Variants in ZBTB5 observed in about 807,000 individuals in gnomAD.
The protein encoded by ZBTB5 is zinc finger and BTB domain-containing protein 5.
ZBTB5 carries 15 observed loss-of-function variants against 37.9 expected under a neutral mutation model. That is an observed-to-expected ratio of 0.40 (90% confidence interval 0.26 to 0.61). The LOEUF is 0.61. Among genes scored for constraint, ZBTB5 ranks in the 20% least tolerant of loss-of-function variants. ZBTB5 has a pLI of 0.47. For missense variants in ZBTB5, 708 were observed against 856.8 expected (o/e 0.83, Z 2.17); for synonymous variants, 315 against 312.4 (o/e 1.01, Z -0.09).
At chr9:37,445,432 C>A (rs534820381) in intron 1 of ZBTB5, among the ~76,000 whole-genome samples, 2 of 152,092 alleles carry the variant, frequency 1.3e-5, no homozygotes, top group African/African-American at 4.8e-5. Flanking sequence ...CCCTTGAGCC[C>A]CCAGGAGTTC....
chr9:37,452,125 G>C (rs2118948548), intron 1 of ZBTB5, among the ~76,000 whole-genome samples: 1 of 152,294 alleles, frequency 6.6e-6, no homozygotes, highest in Admixed American at 6.5e-5. Context: ...CTCAAGGCTA[G>C]TTTGGCCTAC....
In ZBTB5 at chr9:37,441,944, T is replaced by C. The variant is rs750672568; in HGVS notation, c.608A>G (p.Gln203Arg). The C allele has an allele frequency of 5.6e-6, 9 of 1,613,914 alleles. No homozygotes were observed. Among genetic ancestry groups the C allele is most frequent in the Admixed American group, 1.7e-5 (1 of 59,998 alleles). The change falls in exon 2 of 2, where the codon CAG (glutamine) becomes CGG (arginine). Residue 203 changes from glutamine (Q) to arginine (R), a missense_variant. Around this residue, in one of 3 missense-constraint regions of ZBTB5, gnomAD observed 639 missense variants for 690.5 expected, o/e 0.93. Coordinates refer to ENST00000307750, the MANE Select transcript of ZBTB5 (RefSeq NM_014872.3). ...CTCATCTATGGAGGGTCGGAGGCGC[T>C]GCCTGGCCCGCTCCTCTGCAGACTG... ...RKQSAEERAR[Q>R]RLRPSIDESA...
chr9:37,441,200 T>G lies in ZBTB5; in HGVS notation c.1352A>C (p.Glu451Ala). ...ESEAPYLLSP[E>A]AGPAGGPSSA... Reference sequence around the variant, plus strand: ...GGAGGGCCCACCTGCAGGCCCAGCCTCTGGACTCAACAAATAGGGGGCCTC... The same window carrying G: ...GGAGGGCCCACCTGCAGGCCCAGCCGCTGGACTCAACAAATAGGGGGCCTC... Residue 451 changes from glutamate to alanine, a missense_variant, in exon 2 of 2, where the codon GAG becomes GCG. Glu to Ala is a moderately radical substitution (Grantham distance 107). Around this residue, in one of 3 missense-constraint regions of ZBTB5, gnomAD observed 639 missense variants for 690.5 expected, o/e 0.93. Coordinates refer to ENST00000307750, the MANE Select transcript of ZBTB5 (RefSeq NM_014872.3). The G allele has an allele frequency of 6.2e-7, 1 of 1,614,160 alleles. No individual in the cohort carries two copies. Among genetic ancestry groups the G allele is most frequent in the Non-Finnish European group, 8.5e-7 (1 of 1,180,018 alleles).
In ZBTB5 at chr9:37,439,890, A is replaced by T. The variant is rs545202864; in HGVS notation, c.*628T>A. The T allele has an allele frequency of 6.5e-6, 1 of 153,410 alleles. No homozygotes were observed. The highest frequency in any genetic ancestry group is 1.5e-5 in the Non-Finnish European group (1 of 68,536). 9.5% of individuals were successfully genotyped at this position (153,410 alleles called of 1,614,324 possible). ...ACATCTATCCAACAGTGATGTATTC[A>T]AAAGTATATACATCTAATAGTCCAA... On this transcript the variant is annotated 3_prime_UTR_variant, in exon 2 of 2. Transcript: ENST00000307750.
intron 1 of ZBTB5, among the ~76,000 whole-genome samples, chr9:37,446,397 TG>T (rs1823993387): frequency 6.6e-6 from 1 of 152,234 alleles, no homozygotes. Flanking sequence ...GGGTCTACTG[TG>T]GCGACTGAGA....
At chr9:37,458,549 G>A (rs183279553) in intron 1 of ZBTB5, among the ~76,000 whole-genome samples, 30 of 152,266 alleles carry the variant, frequency 2.0e-4, no homozygotes, top group Admixed American at 7.8e-4. Context: ...TTTTAAATAA[G>A]ATAACTTAGT....
At chr9:37,451,430 G>A (rs1824101573) in intron 1 of ZBTB5, among the ~76,000 whole-genome samples, 1 of 151,572 alleles carries the variant, frequency 6.6e-6, no homozygotes, top group African/African-American at 2.4e-5. Context: ...TGGTGGCGCA[G>A]GCCTGTAATC....
At chr9:37,445,395 C>T (rs1323794084) in intron 1 of ZBTB5, among the ~76,000 whole-genome samples, 4 of 152,146 alleles carry the variant, frequency 2.6e-5, no homozygotes, top group Non-Finnish European at 4.4e-5. Flanking sequence ...GTAATCCCAG[C>T]GCTTTGGGAG....
chr9:37,447,091 G>A (rs111916493), intron 1 of ZBTB5, among the ~76,000 whole-genome samples: 9 of 152,210 alleles, frequency 5.9e-5, no homozygotes, highest in African/African-American at 9.6e-5. Context: ...AAGACTGGGT[G>A]ATTTATAAAG....
At chr9:37,451,841 G>A (rs1400262238) in intron 1 of ZBTB5, among the ~76,000 whole-genome samples, 1 of 152,152 alleles carries the variant, frequency 6.6e-6, no homozygotes, top group Non-Finnish European at 1.5e-5. Flanking sequence ...CAGTTCCTGG[G>A]TGGGGAATAC....
At chr9:37,448,422 C>T (rs558856973) in intron 1 of ZBTB5, among the ~76,000 whole-genome samples, 2 of 152,304 alleles carry the variant, frequency 1.3e-5, no homozygotes, top group East Asian at 3.9e-4. Flanking sequence ...AAGGGGTGCT[C>T]AGAAGATTCT....
rs562882461 is a variant in ZBTB5 at position 37,443,987 on chromosome 9, G to A, written c.-4-1432C>T. Among the ~76,000 whole-genome samples, 5 of 152,274 alleles carry A rather than the reference G, an allele frequency of 3.3e-5. 1 individual carries two copies. The highest frequency in any genetic ancestry group is 1.2e-4 in the African/African-American group (5 of 41,564). On this transcript the variant is annotated intron_variant, in intron 1 of 1. Transcript: ENST00000307750. ...GGTCCCAGCTACTTGGGAGGCTGAG[G>A]TGGGAGGATCACTTGAGCCTGGGAA...
chr9:37,445,772 TG>T (rs950602026), intron 1 of ZBTB5, among the ~76,000 whole-genome samples: 1 of 152,104 alleles, frequency 6.6e-6, no homozygotes, highest in African/African-American at 2.4e-5. Flanking sequence ...ACTGCTGTTT[TG>T]TTGTTGTTTT....
intron 1 of ZBTB5, among the ~76,000 whole-genome samples, chr9:37,456,750 T>C (rs968966973): frequency 1.3e-5 from 2 of 152,246 alleles, no homozygotes; most frequent in African/African-American, 4.8e-5. Flanking sequence ...CTGTATTTTC[T>C]CTCTCTCAAA....
At chr9:37,444,309 C>T (rs1277491879) in intron 1 of ZBTB5, among the ~76,000 whole-genome samples, 1 of 152,144 alleles carries the variant, frequency 6.6e-6, no homozygotes, top group Non-Finnish European at 1.5e-5. Flanking sequence ...AGTGATTCTC[C>T]TGCCTCAGCC....
chr9:37,452,186 G>T (rs999878595), intron 1 of ZBTB5, among the ~76,000 whole-genome samples: 23 of 152,334 alleles, frequency 1.5e-4, no homozygotes, highest in South Asian at 6.2e-4. Context: ...GATGGGGTCG[G>T]TTAGGTCTGA....
chr9:37,442,875 G>A (rs1823911963), intron 1 of ZBTB5, among the ~76,000 whole-genome samples: 1 of 152,194 alleles, frequency 6.6e-6, no homozygotes, highest in South Asian at 2.1e-4. Flanking sequence ...CTATCCCACA[G>A]AAGTTTGTTA....
intron 1 of ZBTB5, among the ~76,000 whole-genome samples, chr9:37,459,278 G>A (rs1374370595): frequency 1.3e-5 from 2 of 152,038 alleles, no homozygotes; most frequent in African/African-American, 2.4e-5. Flanking sequence ...GACCAACATG[G>A]AGAAAAGCCG....
rs1398468661 is a variant in ZBTB5 at position 37,440,634 on chromosome 9, G to A, written c.1918C>T (p.Pro640Ser). ...KHIRVHTGEK[P>S]YACLKCGKRF... ...TTGCCACACTTCAGGCAGGCGTAAG[G>A]CTTTTCACCTGTGTGAACACGGATG... Residue 640 changes from proline (P) to serine (S), a missense_variant, in exon 2 of 2, where the codon CCT becomes TCT. Physicochemically the swap from Pro to Ser is moderately conservative, Grantham distance 74. This residue lies in a region of ZBTB5 where 42 missense variants were observed against 107.9 expected (regional missense o/e 0.39). Coordinates refer to ENST00000307750, the MANE Select transcript of ZBTB5 (RefSeq NM_014872.3). 6.2e-7 allele frequency: 1 copy of A among 1,614,248 alleles called. No individual in the cohort carries two copies. The highest frequency in any genetic ancestry group is 8.5e-7 in the Non-Finnish European group (1 of 1,180,048).
Sources: allele counts gnomAD v4.1 joint callset (sites outside exome capture counted in the v4.1 genomes callset), GRCh38; gene constraint gnomAD v4.1.1; regional missense constraint gnomAD v4.1.1; transcripts MANE v1.5; gene names NCBI Gene and HGNC (gene_info 2026-07-23, HGNC 2026-07-21).